The following PSMB7 variants were observed in gnomAD, a reference collection of about 807,000 sequenced individuals.
PSMB7 encodes the protein proteasome subunit beta type-7.
PSMB7 carries 5 observed loss-of-function variants against 28.1 expected under a neutral mutation model. That is an observed-to-expected ratio of 0.18 (90% CI 0.09 to 0.37). The LOEUF (loss-of-function observed/expected upper bound fraction) is 0.37. Among genes scored for constraint, PSMB7 ranks in the 10% least tolerant of loss-of-function variants. The pLI is 1.00. For synonymous variants in PSMB7, 122 were observed against 123.7 expected (o/e 0.99, Z 0.09); for missense variants, 275 against 346.2 (o/e 0.79, Z 1.63).
chr9:124,370,005 G>A (rs1186099365), intron 6 of PSMB7, among the ~76,000 whole-genome samples: 1 of 152,120 alleles, frequency 6.6e-6, no homozygotes, highest in Non-Finnish European at 1.5e-5. Flanking sequence ...TTAAAACCAG[G>A]CACAGGCCTG....
intron 7 of PSMB7, among the ~76,000 whole-genome samples, chr9:124,355,509 C>G (rs1338451852): frequency 6.6e-6 from 1 of 152,222 alleles, no homozygotes; most frequent in South Asian, 2.1e-4. Context: ...CCCATCACCG[C>G]TTCACCATGG....
In PSMB7 at chr9:124,415,408, C is replaced by T. The variant is rs199808947; in HGVS notation, c.18G>A (p.Val6=). The T allele has an allele frequency of 4.2e-5, 68 of 1,614,166 alleles. No homozygotes were observed. The highest frequency in any genetic ancestry group is 5.0e-5 in the Non-Finnish European group (59 of 1,180,034). MAAVS[V]YAPPVGGFSF... Reference sequence around the variant, plus strand: ...AGAAGCCTCCAACTGGTGGAGCATACACCGACACAGCCGCCATCTTCCCAA... The same window carrying T: ...AGAAGCCTCCAACTGGTGGAGCATATACCGACACAGCCGCCATCTTCCCAA... Residue 6 remains valine (V), a synonymous_variant, in exon 1 of 8, where the codon GTG becomes GTA. Transcript: ENST00000259457.
rs141057772 is a variant in PSMB7, at chr9:124,389,827, C to A, written c.512-5171G>T. Among the ~76,000 whole-genome samples, 152 of 152,310 alleles carry A rather than the reference C, an allele frequency of 1.0e-3. 1 individual carries two copies. Among genetic ancestry groups the A allele is most frequent in the African/African-American group, 3.4e-3 (143 of 41,558 alleles). ...TCTTGTCACCCACATCTGCTGCGCCCCAGGAGAAGGAGTCCCAAGCACCAG... is the reference window on the plus strand; with the variant it reads ...TCTTGTCACCCACATCTGCTGCGCCACAGGAGAAGGAGTCCCAAGCACCAG... On this transcript the variant is annotated intron_variant, in intron 5 of 7. Coordinates refer to ENST00000259457, the MANE Select transcript of PSMB7 (RefSeq NM_002799.4).
intron 5 of PSMB7, chr9:124,396,684 G>C: frequency 2.3e-6 from 1 of 439,630 alleles, no homozygotes; most frequent in Non-Finnish European, 4.7e-6. Context: ...GGAATGTCAT[G>C]CTTGAAATTT....
chr9:124,388,546 T>C (rs974562185), intron 5 of PSMB7, among the ~76,000 whole-genome samples: 1 of 152,234 alleles, frequency 6.6e-6, no homozygotes, highest in Non-Finnish European at 1.5e-5. Context: ...TGTCTAGGAC[T>C]ACAGGAAACA....
In PSMB7 at chr9:124,353,471, G is replaced by T; in HGVS notation, c.*127C>A. The T allele has an allele frequency of 1.4e-6, 1 of 716,932 alleles. No individual in the cohort carries two copies. The allele number at this position is 716,932 out of a possible 1,614,324, so 44.4% of individuals were successfully genotyped here. A position where few individuals can be genotyped will look rare whatever the true frequency, so the allele number is the denominator to read the frequency against. On this transcript the variant is annotated 3_prime_UTR_variant, in exon 8 of 8. Transcript: ENST00000259457. ...ACCACACAGTGCCCAGACCTCAGCTGCCCAATTTGGTTTTTGTTTTTTATT... is the reference window on the plus strand; with the variant it reads ...ACCACACAGTGCCCAGACCTCAGCTTCCCAATTTGGTTTTTGTTTTTTATT...
chr9:124,375,149 A>G (rs1183853892), intron 6 of PSMB7, among the ~76,000 whole-genome samples: 2 of 152,104 alleles, frequency 1.3e-5, no homozygotes, highest in Non-Finnish European at 2.9e-5. Context: ...AAACAAAAAT[A>G]CCAGCATAAA....
At chr9:124,402,785 T>C (rs763292267) in intron 5 of PSMB7, among the ~76,000 whole-genome samples, 1 of 152,128 alleles carries the variant, frequency 6.6e-6, no homozygotes, top group Non-Finnish European at 1.5e-5. Flanking sequence ...TGGGGAGAAA[T>C]AAAAGCAATA....
At chr9:124,354,668 A>AC in intron 7 of PSMB7, among the ~76,000 whole-genome samples, 1 of 151,840 alleles carries the variant, frequency 6.6e-6, no homozygotes, top group Non-Finnish European at 1.5e-5. Flanking sequence ...GCCTCCCCCG[A>AC]CCCCCACCCT....
intron 6 of PSMB7, among the ~76,000 whole-genome samples, chr9:124,357,826 G>A (rs561238140): frequency 2.4e-4 from 36 of 152,300 alleles, no homozygotes; most frequent in African/African-American, 7.5e-4. Flanking sequence ...TACAATGCAG[G>A]GTAAGGCTGG....
rs1830474279 is a variant in PSMB7 at position 124,362,710 on chromosome 9, G to GAAAT, written c.571-5796_571-5795insATTT. Among the ~76,000 whole-genome samples the GAAAT allele has an allele frequency of 4.9e-5, 7 of 143,496 alleles. No individual in the cohort carries two copies. In the South Asian group the frequency reaches 1.6e-3, roughly 33 times the overall value. The allele number at this position is 143,496 out of a possible 152,430, so 94.1% of individuals were successfully genotyped here. On this transcript the variant is annotated intron_variant, in intron 6 of 7. Transcript: ENST00000259457. ...TATTGTATTCTTGAAAAACAGCTAAGATTTAAGTGTTCTCACCACAAAAAA... is the reference window on the plus strand; with the variant it reads ...TATTGTATTCTTGAAAAACAGCTAAGAAATATTTAAGTGTTCTCACCACAAAAAA...
chr9:124,365,691 G>C (rs569784827), intron 6 of PSMB7, among the ~76,000 whole-genome samples: 1 of 152,274 alleles, frequency 6.6e-6, no homozygotes, highest in East Asian at 1.9e-4. Context: ...CTGTAACGCT[G>C]GGAGTCCTGA....
At chr9:124,414,776 G>C (rs1831068818) in intron 2 of PSMB7, 66 bp downstream of exon 2, 2 of 1,373,654 alleles carry the variant, frequency 1.5e-6, no homozygotes, top group Admixed American at 1.7e-5. Flanking sequence ...AGAGACACCG[G>C]AAGCCAAGTG....
chr9:124,395,900 C>T (rs1057034013), intron 5 of PSMB7, among the ~76,000 whole-genome samples: 11 of 152,204 alleles, frequency 7.2e-5, no homozygotes, highest in Non-Finnish European at 1.3e-4. Flanking sequence ...GGAATAGGGT[C>T]TCCTACACCA....
intron 6 of PSMB7, among the ~76,000 whole-genome samples, chr9:124,358,918 G>A (rs986447197): frequency 6.6e-6 from 1 of 152,250 alleles, no homozygotes; most frequent in African/African-American, 2.4e-5. Flanking sequence ...GATGGGGACA[G>A]GTGAAGACTT....
intron 6 of PSMB7, among the ~76,000 whole-genome samples, chr9:124,368,166 C>T (rs996108446): frequency 6.6e-6 from 1 of 150,682 alleles, no homozygotes; most frequent in Non-Finnish European, 1.5e-5. Context: ...TGTGTGCAGG[C>T]TCTGTGCCAA....
At chr9:124,384,389 G>A (rs1229952803) in intron 6 of PSMB7, among the ~76,000 whole-genome samples, 1 of 152,180 alleles carries the variant, frequency 6.6e-6, no homozygotes, top group Non-Finnish European at 1.5e-5. Context: ...GCTGGATAGC[G>A]CTGGTGCCTC....
chr9:124,399,056 T>G (rs150632782), intron 5 of PSMB7, among the ~76,000 whole-genome samples: 2 of 274 alleles, frequency 7.3e-3, no homozygotes, highest in African/African-American at 0.018. Context: ...TTTACAACAC[T>G]TTACAGCTAA....
chr9:124,383,716 G>A (rs1042763263), intron 6 of PSMB7: 2 of 152,100 alleles, frequency 1.3e-5, no homozygotes, highest in Non-Finnish European at 2.9e-5. Flanking sequence ...AGTCAGAAAT[G>A]GCAAAAACCT....
Sources: allele counts gnomAD v4.1 joint callset (sites outside exome capture counted in the v4.1 genomes callset), GRCh38; gene constraint gnomAD v4.1.1; transcripts MANE v1.5; gene names NCBI Gene and HGNC (gene_info 2026-07-23, HGNC 2026-07-21).